The following DLGAP1 variants were observed in gnomAD, a reference collection of about 807,000 sequenced individuals.
DLGAP1 encodes disks large-associated protein 1.
In DLGAP1, 11 loss-of-function variants were observed where a neutral mutation model predicts 90.8. That is an observed-to-expected ratio of 0.12 (90% CI 0.08 to 0.20). DLGAP1 has a LOEUF of 0.20. Among genes scored for constraint, DLGAP1 ranks in the 10% least tolerant of loss-of-function variants. The probability of loss-of-function intolerance (pLI) is 1.00; values close to 1 mark genes in which losing one functional copy is unlikely to be tolerated. For missense variants in DLGAP1, 1,050 were observed against 1,333.8 expected (o/e 0.79, Z 3.31); for synonymous variants, 558 against 540.7 (o/e 1.03, Z -0.44).
chr18:3,644,520 C>T (rs1451994756), intron 7 of DLGAP1, among the ~76,000 whole-genome samples: 1 of 152,038 alleles, frequency 6.6e-6, no homozygotes, highest in Non-Finnish European at 1.5e-5. Flanking sequence ...AAGTGATTCT[C>T]CTGCCTCAGC....
intron 7 of DLGAP1, among the ~76,000 whole-genome samples, chr18:3,680,708 G>A (rs2060482736): frequency 6.8e-6 from 1 of 147,448 alleles, no homozygotes; most frequent in African/African-American, 2.6e-5. Flanking sequence ...AGAATGGCGT[G>A]AACCCGGGAG....
chr18:3,910,842 T>C (rs945836899), intron 3 of DLGAP1, among the ~76,000 whole-genome samples: 3 of 152,158 alleles, frequency 2.0e-5, no homozygotes, highest in Non-Finnish European at 2.9e-5. Flanking sequence ...GGAATCTTTC[T>C]GATGACATCA....
intron 3 of DLGAP1, among the ~76,000 whole-genome samples, chr18:3,918,594 A>G (rs113971196): frequency 2.0e-5 from 3 of 152,134 alleles, no homozygotes; most frequent in Admixed American, 6.5e-5. Flanking sequence ...GCCATTAAAT[A>G]TGTTTCTGGA....
intron 4 of DLGAP1, among the ~76,000 whole-genome samples, chr18:3,838,729 A>C (rs2068541868): frequency 6.6e-6 from 1 of 152,248 alleles, no homozygotes; most frequent in African/African-American, 2.4e-5. Context: ...TAATTGTTGC[A>C]TCCATTTATA....
intron 1 of DLGAP1, among the ~76,000 whole-genome samples, chr18:4,172,347 T>C (rs1009438771): frequency 6.6e-6 from 1 of 152,224 alleles, no homozygotes; most frequent in Non-Finnish European, 1.5e-5. Context: ...AATGCCAATG[T>C]TCGTCCCTTT....
At chr18:4,109,960 T>C (rs1174823265) in intron 2 of DLGAP1, among the ~76,000 whole-genome samples, 1 of 152,136 alleles carries the variant, frequency 6.6e-6, no homozygotes, top group Non-Finnish European at 1.5e-5. Context: ...ATTATCTATA[T>C]TGTGTGTATA....
chr18:3,795,514 C>T (rs1305789761), intron 5 of DLGAP1, among the ~76,000 whole-genome samples: 2 of 152,118 alleles, frequency 1.3e-5, no homozygotes, highest in Non-Finnish European at 2.9e-5. Context: ...CGGGGTTTCA[C>T]CATGTTGGCC....
intron 1 of DLGAP1, among the ~76,000 whole-genome samples, chr18:4,155,539 G>A (rs75223321): frequency 0.035 from 5,359 of 152,230 alleles, 128 homozygotes; most frequent in African/African-American, 0.068. Flanking sequence ...TTTTCTGAAT[G>A]TAAAGATGTG....
intron 3 of DLGAP1, among the ~76,000 whole-genome samples, chr18:3,927,517 T>A (rs1433551773): frequency 6.6e-6 from 1 of 152,196 alleles, no homozygotes; most frequent in African/African-American, 2.4e-5. Flanking sequence ...CATCATGACA[T>A]ATGAGCAGAG....
chr18:4,070,282 C>G (rs766653904), intron 2 of DLGAP1, among the ~76,000 whole-genome samples: 8 of 152,088 alleles, frequency 5.3e-5, no homozygotes, highest in Non-Finnish European at 1.2e-4. Context: ...CGCATCTGGC[C>G]TAATTCTGCA....
intron 1 of DLGAP1, among the ~76,000 whole-genome samples, chr18:4,321,239 G>A (rs1252966609): frequency 6.6e-6 from 1 of 152,060 alleles, no homozygotes; most frequent in Non-Finnish European, 1.5e-5. Context: ...ATGAGTTAGT[G>A]GAAATGATTT....
intron 3 of DLGAP1, among the ~76,000 whole-genome samples, chr18:3,926,094 T>A (rs1439521092): frequency 6.6e-6 from 1 of 152,208 alleles, no homozygotes; most frequent in African/African-American, 2.4e-5. Context: ...ATGTTTCTCA[T>A]TGCCAGAGAA....
intron 7 of DLGAP1, among the ~76,000 whole-genome samples, chr18:3,599,368 T>C (rs868573214): frequency 6.6e-6 from 1 of 152,338 alleles, no homozygotes; most frequent in Middle Eastern, 3.4e-3. Context: ...CGCCCCTTAA[T>C]GGAGTACTTG....
chr18:3,502,972 A>G (rs998094847), intron 11 of DLGAP1, among the ~76,000 whole-genome samples: 3 of 152,008 alleles, frequency 2.0e-5, no homozygotes, highest in Non-Finnish European at 4.4e-5. Context: ...ACCATATTCA[A>G]ATGAAAATGA....
intron 3 of DLGAP1, among the ~76,000 whole-genome samples, chr18:3,919,921 G>C (rs188089967): frequency 4.6e-5 from 7 of 152,296 alleles, no homozygotes; most frequent in African/African-American, 1.7e-4. Context: ...AAACAGAGGC[G>C]CAGTTAGATA....
At chr18:3,862,914 A>C (rs2070168840) in intron 4 of DLGAP1, among the ~76,000 whole-genome samples, 1 of 152,262 alleles carries the variant, frequency 6.6e-6, no homozygotes, top group South Asian at 2.1e-4. Flanking sequence ...CGCTTTGGGC[A>C]CACAGAAAAC....
At chr18:4,159,751 G>A (rs1423588371) in intron 1 of DLGAP1, among the ~76,000 whole-genome samples, 1 of 152,114 alleles carries the variant, frequency 6.6e-6, no homozygotes, top group Non-Finnish European at 1.5e-5. Flanking sequence ...GAAATACATA[G>A]GCTTATTTCA....
At chr18:4,429,763 T>C (rs540437707) in intron 1 of DLGAP1, among the ~76,000 whole-genome samples, 1 of 151,390 alleles carries the variant, frequency 6.6e-6, no homozygotes, top group Admixed American at 6.6e-5. Context: ...GCCCAGTTGA[T>C]AATAGAAAAA....
At chr18:3,799,382 C>T (rs2148312004) in intron 5 of DLGAP1, among the ~76,000 whole-genome samples, 1 of 152,136 alleles carries the variant, frequency 6.6e-6, no homozygotes, top group South Asian at 2.1e-4. Flanking sequence ...GCGTGCTGTC[C>T]CTTCTGCGGG....
Sources: gnomAD v4.1 joint callset for allele counts (sites outside exome capture counted in the v4.1 genomes callset) on GRCh38, gnomAD v4.1.1 for gene constraint, MANE v1.5 for transcripts, NCBI Gene and HGNC (gene_info 2026-07-23, HGNC 2026-07-21) for gene names.